DPYD: variants seen among roughly 807,000 people sequenced by gnomAD.
DPYD encodes the protein dihydropyrimidine dehydrogenase, also known as dihydropyrimidine dehydrogenase [NADP(+)].
In DPYD, 109 loss-of-function variants were observed where a neutral mutation model predicts 116.2. That is an observed-to-expected ratio of 0.94 (90% CI 0.80 to 1.10). DPYD has a LOEUF of 1.10. DPYD is among the 50% of genes least tolerant of loss of function. The pLI is 0.00. For synonymous variants in DPYD, 440 were observed against 432.0 expected (o/e 1.02, Z -0.23); for missense variants, 1,302 against 1,254.5 (o/e 1.04, Z -0.57).
At chr1:97,430,916 T>C (rs765161058) in intron 14 of DPYD, among the ~76,000 whole-genome samples, 2 of 151,926 alleles carry the variant, frequency 1.3e-5, no homozygotes, top group Non-Finnish European at 2.9e-5. Context: ...TTAGTAGAAG[T>C]GGAGCCTGAG....
intron 10 of DPYD, among the ~76,000 whole-genome samples, chr1:97,577,903 T>C (rs866242254): frequency 1.6e-4 from 24 of 152,210 alleles, no homozygotes; most frequent in African/African-American, 5.5e-4. Context: ...TGGAGGGTAG[T>C]GGCAAGATCT....
intron 16 of DPYD, among the ~76,000 whole-genome samples, chr1:97,361,608 G>A (rs948996651): frequency 2.0e-5 from 3 of 152,122 alleles, no homozygotes; most frequent in African/African-American, 7.2e-5. Context: ...TATCCACCAC[G>A]ATCAAGTCAA....
At chr1:97,802,054 G>A (rs140644287) in intron 3 of DPYD, among the ~76,000 whole-genome samples, 43 of 151,864 alleles carry the variant, frequency 2.8e-4, no homozygotes, top group African/African-American at 9.4e-4. Context: ...AGGGCACTAT[G>A]TCTAACAGAA....
At chr1:97,354,336 T>C (rs1474025103) in intron 16 of DPYD, among the ~76,000 whole-genome samples, 5 of 152,168 alleles carry the variant, frequency 3.3e-5, no homozygotes, top group African/African-American at 9.6e-5. Flanking sequence ...GGACAACAGA[T>C]GTGTAAAAGG....
intron 11 of DPYD, among the ~76,000 whole-genome samples, chr1:97,554,235 T>C (rs1009468256): frequency 5.9e-5 from 9 of 152,128 alleles, no homozygotes; most frequent in Non-Finnish European, 8.8e-5. Context: ...CTGTCACATA[T>C]GTAAAAGAGA....
intron 18 of DPYD, among the ~76,000 whole-genome samples, chr1:97,247,985 A>G (rs1034108084): frequency 6.6e-6 from 1 of 152,252 alleles, no homozygotes; most frequent in Non-Finnish European, 1.5e-5. Context: ...ATAGAGGAAG[A>G]ATGAGCCAAT....
intron 5 of DPYD, among the ~76,000 whole-genome samples, chr1:97,714,655 C>CAAAAAAAAA (rs1193831747): frequency 2.0e-4 from 10 of 49,914 alleles, no homozygotes; most frequent in East Asian, 9.9e-4. Context: ...AAAGAAAAGA[C>CAAAAAAAAA]AAAAAAAAAA....
chr1:97,445,514 G>A (rs1676026469), intron 14 of DPYD, among the ~76,000 whole-genome samples: 1 of 152,022 alleles, frequency 6.6e-6, no homozygotes, highest in Non-Finnish European at 1.5e-5. Context: ...AACCTAATAT[G>A]TAACTTAGAT....
intron 15 of DPYD, among the ~76,000 whole-genome samples, chr1:97,376,668 T>G (rs1016072753): frequency 6.6e-6 from 1 of 152,168 alleles, no homozygotes; most frequent in Non-Finnish European, 1.5e-5. Flanking sequence ...TTAAATTAAC[T>G]GAAATTGGGC....
intron 7 of DPYD, among the ~76,000 whole-genome samples, chr1:97,685,220 T>C (rs1036862677): frequency 2.6e-5 from 4 of 152,054 alleles, no homozygotes; most frequent in Non-Finnish European, 1.5e-5. Context: ...ACTCATCACA[T>C]AAAGAGAAAT....
intron 20 of DPYD, among the ~76,000 whole-genome samples, chr1:97,162,862 G>A (rs1158556558): frequency 6.6e-6 from 1 of 151,014 alleles, no homozygotes; most frequent in Non-Finnish European, 1.5e-5. Flanking sequence ...ACAAACCTGA[G>A]AAAAACAAGC....
rs1676323139 is a variant in DPYD at position 97,450,050 on chromosome 1, C to A, written c.1905+9G>T. On this transcript the variant is annotated intron_variant, in intron 14 of 22. Transcript: ENST00000370192. ...AATTCTCTTGTTTTAGATGTTAAAT[C>A]ACACTTACGTTGTCTGGAAAGTCAG... The A allele has an allele frequency of 3.1e-6, 5 of 1,613,666 alleles. No individual in the cohort carries two copies. The highest frequency in any genetic ancestry group is 4.2e-6 in the Non-Finnish European group (5 of 1,179,776).
At chr1:97,130,739 TTTCTTC>T (rs1352544095) in intron 20 of DPYD, among the ~76,000 whole-genome samples, 4 of 90,950 alleles carry the variant, frequency 4.4e-5, no homozygotes, top group African/African-American at 7.6e-5. Flanking sequence ...TCTTCCTTTC[TTTCTTC>T]TTTCTCCCTT....
intron 16 of DPYD, among the ~76,000 whole-genome samples, chr1:97,338,951 G>A (rs1669448141): frequency 6.6e-6 from 1 of 151,960 alleles, no homozygotes. Context: ...TGAGACAGAG[G>A]AGAATGTTAG....
intron 13 of DPYD, among the ~76,000 whole-genome samples, chr1:97,494,186 A>T (rs1036056501): frequency 1.4e-4 from 21 of 152,164 alleles, no homozygotes; most frequent in Non-Finnish European, 2.8e-4. Context: ...AAAAAAATTT[A>T]AAATGTTTTA....
intron 2 of DPYD, among the ~76,000 whole-genome samples, chr1:97,880,702 A>C (rs1672168284): frequency 6.6e-6 from 1 of 151,992 alleles, no homozygotes; most frequent in Admixed American, 6.6e-5. Flanking sequence ...AAAGTGCCAA[A>C]AAATATAATC....
intron 16 of DPYD, chr1:97,322,598 C>T (rs1028690957): frequency 6.6e-6 from 1 of 151,860 alleles, no homozygotes; most frequent in Non-Finnish European, 1.5e-5. Flanking sequence ...CAATCTTGAA[C>T]CTAAAAATCC....
chr1:97,798,406 T>C (rs548317441), intron 3 of DPYD, among the ~76,000 whole-genome samples: 2 of 152,146 alleles, frequency 1.3e-5, no homozygotes, highest in East Asian at 1.9e-4. Flanking sequence ...AATAGTGAAA[T>C]AGTTTCTGCT....
At chr1:97,131,833 C>A (rs1653367369) in intron 20 of DPYD, among the ~76,000 whole-genome samples, 1 of 152,108 alleles carries the variant, frequency 6.6e-6, no homozygotes, top group African/African-American at 2.4e-5. Flanking sequence ...AAAAAAAGAT[C>A]ATTCAAAATG....
Sources: gnomAD v4.1 joint callset for allele counts (sites outside exome capture counted in the v4.1 genomes callset) on GRCh38, gnomAD v4.1.1 for gene constraint, MANE v1.5 for transcripts, NCBI Gene and HGNC (gene_info 2026-07-23, HGNC 2026-07-21) for gene names.